Variants in TRPV4 observed in about 807,000 individuals in gnomAD.
TRPV4 encodes transient receptor potential cation channel subfamily V member 4, also known as OSM9-like transient receptor potential channel 4.
TRPV4 carries 58 observed loss-of-function variants against 84.1 expected under a neutral mutation model. The ratio of observed to expected loss-of-function variants is 0.69; its 90% CI spans 0.56 to 0.86. The LOEUF (loss-of-function observed/expected upper bound fraction) is 0.86. TRPV4 is among the 40% of genes least tolerant of loss of function. The pLI, the probability that TRPV4 is intolerant of heterozygous loss-of-function variation, is 0.00. For missense variants in TRPV4, 879 were observed against 1,181.1 expected (o/e 0.74, Z 3.75); for synonymous variants, 489 against 500.9 (o/e 0.98, Z 0.32).
intron 1 of TRPV4, among the ~76,000 whole-genome samples, chr12:109,820,670 C>T (rs971245732): frequency 6.6e-6 from 1 of 151,794 alleles, no homozygotes; most frequent in African/African-American, 2.4e-5. Context: ...TACAGGCACC[C>T]GCCACCACGC....
chr12:109,830,475 T>C (rs1167266300), intron 1 of TRPV4, among the ~76,000 whole-genome samples: 2 of 152,228 alleles, frequency 1.3e-5, no homozygotes, highest in Admixed American at 6.5e-5. Flanking sequence ...GACAGAACCT[T>C]GTACCCAGAG....
In TRPV4 at chr12:109,793,975, G is replaced by T. The variant is rs141295418; in HGVS notation, c.1539C>A (p.Gly513=). 3.1e-6 allele frequency: 5 copies of T among 1,610,184 alleles called. No homozygotes were observed. The East Asian group carries it at 1.1e-4, about 36-fold the overall frequency. ...RTTVDYLRLA[G]EVITLFTGVL... ...CCCCAGTGAAGAGCGTAATGACCTC[G>T]CCAGCCAGCCGCAGGTAGTCCACCG... is the stretch of plus-strand genomic sequence containing the variant. The change falls in exon 9 of 16, where the codon GGC becomes GGA. Residue 513 remains glycine (G), a synonymous_variant. Transcript: ENST00000261740. The surrounding 1 kb of genome is among the most constrained non-coding windows in gnomAD (Gnocchi z 4.0).
chr12:109,830,615 A>G (rs947089207), intron 1 of TRPV4, among the ~76,000 whole-genome samples: 8 of 152,226 alleles, frequency 5.3e-5, no homozygotes, highest in African/African-American at 1.9e-4. Flanking sequence ...TTGGCTCCCC[A>G]GACCCTATCT....
At chr12:109,820,514 C>CTT (rs1186445597) in intron 1 of TRPV4, among the ~76,000 whole-genome samples, 18 of 123,144 alleles carry the variant, frequency 1.5e-4, no homozygotes, top group East Asian at 3.1e-4. Flanking sequence ...TTCAGCTGCC[C>CTT]TATTTTTTTT....
intron 12 of TRPV4, among the ~76,000 whole-genome samples, chr12:109,791,663 T>C (rs1314168935): frequency 6.6e-6 from 1 of 151,112 alleles, no homozygotes; most frequent in African/African-American, 2.4e-5. Context: ...TTGTATTTTT[T>C]GGTAGAGACG....
chr12:109,811,613 G>A (rs1278321277), intron 2 of TRPV4, among the ~76,000 whole-genome samples: 3 of 151,246 alleles, frequency 2.0e-5, no homozygotes, highest in Admixed American at 6.6e-5. Flanking sequence ...AGCCAAGATA[G>A]CGCCACTGCA....
At chr12:109,792,591 G>A (rs1890116482) in intron 11 of TRPV4, 61 bp downstream of exon 11, 7 of 1,600,948 alleles carry the variant, frequency 4.4e-6, no homozygotes, top group Non-Finnish European at 6.0e-6. Context: ...AAGTGTGCAT[G>A]TGGTGTGTGT....
chr12:109,813,583 AG>A (rs1891659601), intron 2 of TRPV4, among the ~76,000 whole-genome samples: 1 of 152,124 alleles, frequency 6.6e-6, no homozygotes, highest in Non-Finnish European at 1.5e-5. Flanking sequence ...TGTATAAATG[AG>A]TGGGTGGATG....
chr12:109,795,218 C>T (rs1048013931), intron 7 of TRPV4, among the ~76,000 whole-genome samples: 5 of 152,152 alleles, frequency 3.3e-5, no homozygotes, highest in African/African-American at 1.2e-4. Flanking sequence ...CACAATTCTC[C>T]AATTCTGAAC....
intron 5 of TRPV4, 148 bp from the exon 6 acceptor site, chr12:109,799,060 G>C: frequency 1.3e-6 from 1 of 794,420 alleles, no homozygotes; most frequent in Non-Finnish European, 2.0e-6. Context: ...ACGTTTCTCT[G>C]GGTGATGCCA....
chr12:109,833,194 G>A (rs1277367485), intron 1 of TRPV4, among the ~76,000 whole-genome samples, 156 bp downstream of exon 1: 1 of 152,212 alleles, frequency 6.6e-6, no homozygotes, highest in African/African-American at 2.4e-5. Context: ...CTGAGAGGCT[G>A]GCGCCTGCGG....
intron 7 of TRPV4, among the ~76,000 whole-genome samples, chr12:109,795,601 C>T (rs1890336244): frequency 1.3e-5 from 2 of 152,066 alleles, no homozygotes; most frequent in Non-Finnish European, 2.9e-5. Context: ...GAAACAAACC[C>T]AAGCGACCAG....
rs1890400679 is a variant in TRPV4, at chr12:109,796,406, C to A, written c.1332+119G>T. ...CCTTCTCTTGCATTCAGCCAACAGA[C>A]CCACCACGTTGGGTCCTAGAGGCTG... On this transcript the variant is annotated intron_variant, in intron 7 of 15. Coordinates refer to ENST00000261740, the MANE Select transcript of TRPV4 (RefSeq NM_021625.5). This position sits in a 1 kb window ranked among gnomAD's most constrained non-coding sequence, Gnocchi z 4.2. The A allele has an allele frequency of 3.4e-6, 4 of 1,168,194 alleles. No homozygotes were observed. Among genetic ancestry groups the A allele is most frequent in the Non-Finnish European group, 5.0e-6 (4 of 804,974 alleles). 72.4% of individuals were successfully genotyped at this position (1,168,194 alleles called of 1,614,324 possible).
chr12:109,799,026 G>T, intron 5 of TRPV4, 114 bp from the exon 6 acceptor site: 1 of 1,037,406 alleles, frequency 9.6e-7, no homozygotes, highest in Non-Finnish European at 1.4e-6. Flanking sequence ...GACGGAGACA[G>T]CACCAGCAGT....
At chr12:109,825,142 G>T (rs1013279013) in intron 1 of TRPV4, among the ~76,000 whole-genome samples, 1 of 151,970 alleles carries the variant, frequency 6.6e-6, no homozygotes, top group African/African-American at 2.4e-5. Flanking sequence ...AGGAGTTCGA[G>T]ACCAGCCTGG....
In TRPV4 at chr12:109,783,730, G is replaced by C. The variant is rs768620169; in HGVS notation, c.2507C>G (p.Ser836Trp). Residue 836 changes from serine (S) to tryptophan (W), a missense_variant, in exon 16 of 16, where the codon TCG becomes TGG. This residue lies in a region of TRPV4 where 242 missense variants were observed against 355.3 expected (regional missense o/e 0.68). Coordinates refer to ENST00000261740, the MANE Select transcript of TRPV4 (RefSeq NM_021625.5). The surrounding 1 kb of genome is among the most constrained non-coding windows in gnomAD (Gnocchi z 4.6). ...VPRVVELNKN[S>W]NPDEVVVPLD... ...AGGCACCACCACCTCGTCCGGGTTCGAGTTCTTGTTCAGTTCCACCACGCG... is the reference window on the plus strand; with the variant it reads ...AGGCACCACCACCTCGTCCGGGTTCCAGTTCTTGTTCAGTTCCACCACGCG... 6.2e-7 allele frequency: 1 copy of C among 1,613,688 alleles called. No individual in the cohort carries two copies. The highest frequency in any genetic ancestry group is 1.3e-5 in the African/African-American group (1 of 74,994).
At chr12:109,824,254 C>T (rs1892190454) in intron 1 of TRPV4, among the ~76,000 whole-genome samples, 1 of 152,014 alleles carries the variant, frequency 6.6e-6, no homozygotes, top group African/African-American at 2.4e-5. Flanking sequence ...CGTCGGCCAC[C>T]GTGCCCAGCC....
intron 2 of TRPV4, among the ~76,000 whole-genome samples, chr12:109,813,919 T>C (rs765775855): frequency 1.1e-4 from 17 of 150,612 alleles, no homozygotes; most frequent in South Asian, 2.1e-4. Flanking sequence ...GGAATAATGA[T>C]GGATAGATGA....
At chr12:109,794,663 A>G (rs746434185) in intron 7 of TRPV4, among the ~76,000 whole-genome samples, 176 bp from the exon 8 acceptor site, 20 of 152,142 alleles carry the variant, frequency 1.3e-4, no homozygotes, top group Non-Finnish European at 1.3e-4. Context: ...TTCTGCCTCA[A>G]TGTACCTTTC....
Sources: gnomAD v4.1 joint callset for allele counts (sites outside exome capture counted in the v4.1 genomes callset) on GRCh38, gnomAD v4.1.1 for gene constraint, gnomAD v4.1.1 regional missense constraint, Gnocchi (gnomAD v3.1) non-coding constraint, MANE v1.5 for transcripts, NCBI Gene and HGNC (gene_info 2026-07-23, HGNC 2026-07-21) for gene names.